GPR179: variants seen among roughly 807,000 people sequenced by gnomAD.
The protein encoded by GPR179 is G protein-coupled receptor 179, also known as probable G protein-coupled receptor 179.
Under a neutral mutation model 70.8 loss-of-function variants are expected in GPR179, and 52 were observed. The ratio of observed to expected loss-of-function variants is 0.73; its 90% CI spans 0.59 to 0.93. The LOEUF (loss-of-function observed/expected upper bound fraction) is 0.93. Ranked by LOEUF, GPR179 falls within the 40% of genes least tolerant of loss-of-function variation. The probability of loss-of-function intolerance (pLI) is 0.00; values close to 1 mark genes in which losing one functional copy is unlikely to be tolerated. For missense variants in GPR179, 2,734 were observed against 2,966.8 expected (o/e 0.92, Z 1.82); for synonymous variants, 1,123 against 1,169.0 (o/e 0.96, Z 0.80).
intron 10 of GPR179, among the ~76,000 whole-genome samples, chr17:38,332,611 T>A: frequency 6.6e-6 from 1 of 152,120 alleles, no homozygotes; most frequent in East Asian, 1.9e-4. Context: ...GGGCTGAGGC[T>A]TTTTTGTGTG....
In GPR179 at chr17:38,328,368, A is replaced by T. The variant is rs1336695950; in HGVS notation, c.5201T>A (p.Val1734Asp). 2 of 1,613,202 alleles carry T rather than the reference A, an allele frequency of 1.2e-6. No homozygotes were observed. Among genetic ancestry groups the T allele is most frequent in the African/African-American group, 2.7e-5 (2 of 74,546 alleles). Residue 1734 changes from valine to aspartate, a missense_variant, in exon 11 of 11, where the codon GTT (valine) becomes GAT (aspartate). Coordinates refer to ENST00000616987, the MANE Select transcript of GPR179 (RefSeq NM_001004334.4). ...IRKSPNDTGK[V>D]SADLGPRERA... is the part of the protein sequence containing the mutation. ...CTCCCTGGGTCCAAGATCTGCAGAAACCTTGCCTGTATCATTTGGAGATTT... is the reference window on the plus strand; with the variant it reads ...CTCCCTGGGTCCAAGATCTGCAGAATCCTTGCCTGTATCATTTGGAGATTT...
intron 10 of GPR179, among the ~76,000 whole-genome samples, chr17:38,331,968 C>G (rs771593329): frequency 6.6e-6 from 1 of 152,140 alleles, no homozygotes; most frequent in Non-Finnish European, 1.5e-5. Context: ...ATGCAGTGTT[C>G]AGGTGTAAAT....
In GPR179 at chr17:38,326,694, AT is replaced by A; in HGVS notation, c.6874del (p.Ile2292SerfsTer6). On this transcript the variant is annotated frameshift_variant, in exon 11 of 11. Coordinates refer to ENST00000616987, the MANE Select transcript of GPR179 (RefSeq NM_001004334.4). LOFTEE classifies it low-confidence loss of function (END_TRUNC). Reference sequence around the variant, plus strand: ...TGGCCTGCTTACCTTGGGGCAGGGGATTTTGCTTTCTGGAAAGAAGTGATCC... The same window carrying A: ...TGGCCTGCTTACCTTGGGGCAGGGGATTTGCTTTCTGGAAAGAAGTGATCC... ...PLDHFFPESKIPCPKVSRPAS... is the reference protein window; with the variant it reads ...PLDHFFPESKXPCPKVSRPAS... 6.2e-7 allele frequency: 1 copy of A among 1,613,926 alleles called. No homozygotes were observed. The highest frequency in any genetic ancestry group is 8.5e-7 in the Non-Finnish European group (1 of 1,179,978).
rs146002063 is a variant in GPR179, at chr17:38,331,614, A to T, written c.2038-83T>A. On this transcript the variant is annotated intron_variant, in intron 10 of 10. Coordinates refer to ENST00000616987, the MANE Select transcript of GPR179 (RefSeq NM_001004334.4). ...TGTCTGTTCCTCCACCCTTGCCTAG[A>T]CCTTTTTCCCTTAGGGATCTCTTTC... is the stretch of plus-strand genomic sequence containing the variant. 49 of 1,512,180 alleles carry T rather than the reference A, an allele frequency of 3.2e-5. No homozygotes were observed. The East Asian group carries it at 1.0e-3, about 31-fold the overall frequency. The allele number at this position is 1,512,180 out of a possible 1,614,324, so 93.7% of individuals were successfully genotyped here.
rs958204733 is a variant in GPR179, at chr17:38,325,212, T to C, written c.*1253A>G. Among the ~76,000 whole-genome samples the C allele has an allele frequency of 6.6e-6, 1 of 152,200 alleles. No individual in the cohort carries two copies. The highest frequency in any genetic ancestry group is 1.5e-5 in the Non-Finnish European group (1 of 68,044). ...CCAGCAATTTGTAATCTAGTACTGC[T>C]TAAGCAAGTGTAGCCTGAACTGACG... On this transcript the variant is annotated 3_prime_UTR_variant, in exon 11 of 11. Coordinates refer to ENST00000616987, the MANE Select transcript of GPR179 (RefSeq NM_001004334.4).
At position 38,331,537 on chromosome 17, in the gene GPR179, G is replaced by A. The variant is rs1380876259; in HGVS notation, c.2038-6C>T. 6.3e-7 allele frequency: 1 copy of A among 1,592,314 alleles called. No homozygotes were observed. Among genetic ancestry groups the A allele is most frequent in the Admixed American group, 1.7e-5 (1 of 58,912 alleles). On this transcript the variant is annotated splice_region_variant and splice_polypyrimidine_tract_variant and intron_variant, in intron 10 of 10. Transcript: ENST00000616987. ...TAGAGCTTCTTCAGCTCGTCCTGTG[G>A]GGCAGCAGGGAGGAAAGCAGGGCTG...
chr17:38,331,406 C>T lies in GPR179; in HGVS notation c.2163G>A (p.Arg721=). ...GGGCCTCGGGGAATTCCGCCAGGTACCTCATGAAGGAGCGGCCCAGTCCCT... is the reference window on the plus strand; with the variant it reads ...GGGCCTCGGGGAATTCCGCCAGGTATCTCATGAAGGAGCGGCCCAGTCCCT... ...SCQGLGRSFM[R]YLAEFPEALA... is the part of the protein sequence containing the mutation. Residue 721 remains arginine, a synonymous_variant, in exon 11 of 11, where the codon AGG becomes AGA. Coordinates refer to ENST00000616987, the MANE Select transcript of GPR179 (RefSeq NM_001004334.4). 6.2e-7 allele frequency: 1 copy of T among 1,614,136 alleles called. No homozygotes were observed. Among genetic ancestry groups the T allele is most frequent in the Non-Finnish European group, 8.5e-7 (1 of 1,180,008 alleles).
rs761336022 is a variant in GPR179 at position 38,327,992 on chromosome 17, T to C, written c.5577A>G (p.Val1859=). The stretch of plus-strand genomic sequence containing the variant: ...GACACAGTTTTGCCATCCCTTTTGA[T>C]ACGTCTTCTCCCAGGGAAGTGAGTC... The part of the protein sequence containing the change: ...KGRLTSLGED[V]SKGMAKLCQQ... The change falls in exon 11 of 11, where the codon GTA becomes GTG. Residue 1859 remains valine, a synonymous_variant. Transcript: ENST00000616987. 12 of 1,614,202 alleles carry C rather than the reference T, an allele frequency of 7.4e-6. No homozygotes were observed. The highest frequency in any genetic ancestry group is 1.0e-5 in the Non-Finnish European group (12 of 1,180,036).
At position 38,331,223 on chromosome 17, in the gene GPR179, G is replaced by A; in HGVS notation, c.2346C>T (p.Asp782=). ...RSTYDQRREQ[D]PPLLDSLLRR... Reference sequence around the variant, plus strand: ...TCAGCAGTGAGTCAAGAAGAGGCGGGTCCTGCTCCCTGCGCTGGTCATAGG... The same window carrying A: ...TCAGCAGTGAGTCAAGAAGAGGCGGATCCTGCTCCCTGCGCTGGTCATAGG... The change falls in exon 11 of 11, where the codon GAC becomes GAT. Residue 782 remains aspartate (D), a synonymous_variant. Coordinates refer to ENST00000616987, the MANE Select transcript of GPR179 (RefSeq NM_001004334.4). 6.3e-7 allele frequency: 1 copy of A among 1,597,002 alleles called. No homozygotes were observed.
chr17:38,339,532 C>A lies in GPR179; in HGVS notation c.795-7G>T. The A allele has an allele frequency of 1.9e-6, 3 of 1,607,406 alleles. No individual in the cohort carries two copies. Among genetic ancestry groups the A allele is most frequent in the Non-Finnish European group, 2.6e-6 (3 of 1,174,012 alleles). On this transcript the variant is annotated splice_region_variant and splice_polypyrimidine_tract_variant and intron_variant, in intron 1 of 10. Coordinates refer to ENST00000616987, the MANE Select transcript of GPR179 (RefSeq NM_001004334.4). ...GTCCATCTGCACCTGCCCCCTACGG[C>A]AGTGAATTGGCAATTAGGGGCACAG... is the stretch of plus-strand genomic sequence containing the variant.
intron 10 of GPR179, 22 bp downstream of exon 10, chr17:38,333,229 A>C (rs1232770692): frequency 6.2e-7 from 1 of 1,609,536 alleles, no homozygotes; most frequent in African/African-American, 1.3e-5. Flanking sequence ...CATTGAAAGG[A>C]GGCAGGGAGG....
In GPR179 at chr17:38,327,231, TC is replaced by T; in HGVS notation, c.6337del (p.Glu2113LysfsTer8). Reference sequence around the variant, plus strand: ...CTCTACCACTTCCCACAGACACACTTCCGCTACCCTGGTCTCCACACTGCCT... The same window carrying T: ...CTCTACCACTTCCCACAGACACACTTCGCTACCCTGGTCTCCACACTGCCT... ...AAGSVETRVA[E>X]VCLWEVVEAP... On this transcript the variant is annotated frameshift_variant, in exon 11 of 11. Transcript: ENST00000616987. LOFTEE classifies it low-confidence loss of function (END_TRUNC). 1.2e-6 allele frequency: 2 copies of T among 1,614,176 alleles called. No individual in the cohort carries two copies. The highest frequency in any genetic ancestry group is 1.7e-6 in the Non-Finnish European group (2 of 1,180,024).
chr17:38,343,612 G>A lies in GPR179; in HGVS notation c.178C>T (p.Leu60Phe). Residue 60 changes from leucine to phenylalanine, a missense_variant, in exon 1 of 11, where the codon CTC (leucine) becomes TTC (phenylalanine). Physicochemically the swap from Leu to Phe is conservative, Grantham distance 22. Transcript: ENST00000616987. The surrounding 1 kb of genome is among the most constrained non-coding windows in gnomAD (Gnocchi z 4.2). The stretch of plus-strand genomic sequence containing the variant: ...GCATCTCCAGAGTAGAGATAAGCGA[G>A]GGCGGCCTCGGCCCCCTCTAGGGGC... ...QVPLEGAEAA[L>F]AYLYSGDAQQ... The A allele has an allele frequency of 6.2e-7, 1 of 1,613,810 alleles. No individual in the cohort carries two copies. Among genetic ancestry groups the A allele is most frequent in the Non-Finnish European group, 8.5e-7 (1 of 1,180,008 alleles).
rs2037380791 is a variant in GPR179, at chr17:38,333,921, G to A, written c.1890+12C>T. On this transcript the variant is annotated intron_variant, in intron 9 of 10. Coordinates refer to ENST00000616987, the MANE Select transcript of GPR179 (RefSeq NM_001004334.4). ...TGGGGTCCACCTCACAGGCAGGAGG[G>A]GAGGGCCTCACCTTAGGGATGAAGA... is the stretch of plus-strand genomic sequence containing the variant. 2.5e-6 allele frequency: 4 copies of A among 1,581,956 alleles called. No individual in the cohort carries two copies. Among genetic ancestry groups the A allele is most frequent in the Non-Finnish European group, 3.5e-6 (4 of 1,152,174 alleles).
chr17:38,328,841 T>A lies in GPR179; in HGVS notation c.4728A>T (p.Glu1576Asp), dbSNP rs781208197. Residue 1576 changes from glutamate to aspartate, a missense_variant, in exon 11 of 11, where the codon GAA (glutamate) becomes GAT (aspartate). Transcript: ENST00000616987. ...GSRATQVCPQEDLRPEAQEAT... is the reference protein window; with the variant it reads ...GSRATQVCPQDDLRPEAQEAT... The stretch of plus-strand genomic sequence containing the variant: ...CTTCCTGTGCCTCCGGCCTGAGATC[T>A]TCCTGTGGACACACCTGCGTTGCTC... 6.2e-7 allele frequency: 1 copy of A among 1,613,444 alleles called. No homozygotes were observed. The highest frequency in any genetic ancestry group is 8.5e-7 in the Non-Finnish European group (1 of 1,179,840).
chr17:38,336,452 A>G (rs918147547), intron 4 of GPR179, among the ~76,000 whole-genome samples: 2 of 152,190 alleles, frequency 1.3e-5, no homozygotes, highest in African/African-American at 2.4e-5. Context: ...AAGGGATCTC[A>G]TGCATTCCTC....
Position 38,330,766 on chromosome 17 carries a change from GC to G in GPR179, c.2802del (p.Arg934SerfsTer35). 6.3e-7 allele frequency: 1 copy of G among 1,590,992 alleles called. No homozygotes were observed. Among genetic ancestry groups the G allele is most frequent in the East Asian group, 2.2e-5 (1 of 44,462 alleles). ...ARRRLPHPPIRHQVSTPILAL... is the reference protein window; with the variant it reads ...ARRRLPHPPIXHQVSTPILAL... ...GCCAAGATGGGGGTAGAAACCTGGTGCCTGATGGGTGGATGAGGCAGCCTTC... is the reference window on the plus strand; with the variant it reads ...GCCAAGATGGGGGTAGAAACCTGGTGCTGATGGGTGGATGAGGCAGCCTTC... On this transcript the variant is annotated frameshift_variant, in exon 11 of 11. Transcript: ENST00000616987. LOFTEE classifies it low-confidence loss of function (END_TRUNC).
chr17:38,341,918 G>A (rs1156564289), intron 1 of GPR179, among the ~76,000 whole-genome samples: 3 of 152,050 alleles, frequency 2.0e-5, no homozygotes, highest in Non-Finnish European at 4.4e-5. Context: ...AGGAGTTCGA[G>A]ACCAGCCTGG....
Position 38,337,135 on chromosome 17 carries a change from A to G in GPR179, c.1070T>C (p.Leu357Pro), listed in dbSNP as rs747110718. 8 of 1,612,852 alleles carry G rather than the reference A, an allele frequency of 5.0e-6. No individual in the cohort carries two copies. The highest frequency in any genetic ancestry group is 6.8e-6 in the Non-Finnish European group (8 of 1,179,584). Reference sequence around the variant, plus strand: ...GCTGGTGCAGCCCTCAGGACATGGCAGACACTGCAGCAGTCTCCCAGATCT... The same window carrying G: ...GCTGGTGCAGCCCTCAGGACATGGCGGACACTGCAGCAGTCTCCCAGATCT... ...EGRSGRLLQC[L>P]PCPEGCTSCM... Residue 357 changes from leucine (L) to proline (P), a missense_variant, in exon 4 of 11, where the codon CTG becomes CCG. By Grantham distance (98) the Leu-to-Pro change is moderately conservative. Transcript: ENST00000616987.
Sources: gnomAD v4.1 joint callset for allele counts (sites outside exome capture counted in the v4.1 genomes callset) on GRCh38, gnomAD v4.1.1 for gene constraint, Gnocchi (gnomAD v3.1) non-coding constraint, MANE v1.5 for transcripts, NCBI Gene and HGNC (gene_info 2026-07-23, HGNC 2026-07-21) for gene names.